The following CAB39 variants were observed in gnomAD, a reference collection of about 807,000 sequenced individuals.
CAB39 encodes calcium binding protein 39.
In CAB39, 8 loss-of-function variants were observed where a neutral mutation model predicts 40.0. That is an observed-to-expected ratio of 0.20 (90% CI 0.12 to 0.36). The LOEUF (loss-of-function observed/expected upper bound fraction) is 0.36, where lower values mean the gene tolerates loss of function less well. CAB39 is among the 10% of genes least tolerant of loss of function. The pLI, the probability that CAB39 is intolerant of heterozygous loss-of-function variation, is 1.00. For missense variants in CAB39, 270 were observed against 401.1 expected, an observed-to-expected ratio of 0.67 and a Z score of 2.79; for synonymous variants, 156 against 141.6, an observed-to-expected ratio of 1.10 and a Z score of -0.72.
intron 1 of CAB39, among the ~76,000 whole-genome samples, chr2:230,718,154 G>T (rs942081473): frequency 6.6e-6 from 1 of 152,186 alleles, no homozygotes; most frequent in African/African-American, 2.4e-5. Flanking sequence ...GCATTATCCA[G>T]CAAAAATTGT....
chr2:230,774,621 C>G lies in CAB39; in HGVS notation c.114+14506C>G, dbSNP rs192877349. Among the ~76,000 whole-genome samples, 523 of 152,182 alleles carry G rather than the reference C, an allele frequency of 3.4e-3. 5 individuals carry two copies. Among genetic ancestry groups the G allele is most frequent in the Middle Eastern group, 0.017 (5 of 294 alleles). On this transcript the variant is annotated intron_variant, in intron 2 of 8. Coordinates refer to ENST00000258418, the MANE Select transcript of CAB39 (RefSeq NM_016289.4). ...AGCTTATAGGTGGTTCCCTTCCTTA[C>G]GATGAATGCTTGTGTTCACAGGGTT...
At chr2:230,737,983 G>A (rs1024550595) in intron 1 of CAB39, among the ~76,000 whole-genome samples, 2 of 152,080 alleles carry the variant, frequency 1.3e-5, no homozygotes, top group Admixed American at 6.6e-5. Flanking sequence ...TTTTTCACCC[G>A]ATACTTTATT....
chr2:230,740,685 C>T (rs569486033), intron 1 of CAB39, among the ~76,000 whole-genome samples: 23 of 152,196 alleles, frequency 1.5e-4, no homozygotes, highest in Non-Finnish European at 2.6e-4. Context: ...ATAGGGTTCA[C>T]GCTCCTGTGA....
rs957045676 is a variant in CAB39 at position 230,804,860 on chromosome 2, A to G, written c.568-5403A>G. ...GTGGCGATTCCTGAAGGCTCTAGAA[A>G]TAGAAATACCATTTGACCCAGTGAT... On this transcript the variant is annotated intron_variant, in intron 5 of 8. Transcript: ENST00000258418. 8.5e-5 allele frequency among the ~76,000 whole-genome samples: 13 copies of G among 152,306 alleles called. No individual in the cohort carries two copies. In the South Asian group the frequency reaches 2.3e-3, roughly 27 times the overall value.
chr2:230,784,789 C>T (rs185880744), intron 2 of CAB39, among the ~76,000 whole-genome samples: 52 of 152,292 alleles, frequency 3.4e-4, no homozygotes, highest in African/African-American at 1.1e-3. Flanking sequence ...GCTTTACTTT[C>T]TGCAGAAAGG....
intron 1 of CAB39, among the ~76,000 whole-genome samples, chr2:230,737,000 A>G (rs1008778361): frequency 5.3e-5 from 8 of 152,212 alleles, no homozygotes; most frequent in Non-Finnish European, 1.2e-4. Context: ...AATGGCAACC[A>G]ACACTAATAT....
chr2:230,784,791 G>C (rs773896910), intron 2 of CAB39, among the ~76,000 whole-genome samples: 23 of 152,196 alleles, frequency 1.5e-4, no homozygotes, highest in Non-Finnish European at 2.8e-4. Context: ...TTTACTTTCT[G>C]CAGAAAGGGT....
intron 1 of CAB39, among the ~76,000 whole-genome samples, chr2:230,735,936 C>T (rs1694781417): frequency 6.6e-6 from 1 of 152,140 alleles, no homozygotes; most frequent in Non-Finnish European, 1.5e-5. Context: ...TCTTTACTTA[C>T]CAGAAAGGAG....
chr2:230,720,828 A>T (rs1291156779), intron 1 of CAB39, among the ~76,000 whole-genome samples: 1 of 152,070 alleles, frequency 6.6e-6, no homozygotes, highest in African/African-American at 2.4e-5. Flanking sequence ...CAGCCAGTTC[A>T]TTTACTTTTA....
In CAB39 at chr2:230,748,843, T is replaced by A. The variant is rs1240056629; in HGVS notation, c.-43-11116T>A. On this transcript the variant is annotated intron_variant, in intron 1 of 8. Coordinates refer to ENST00000258418, the MANE Select transcript of CAB39 (RefSeq NM_016289.4). ...AAAAAAAAAAAAAAATATATATATA[T>A]ATATATATATATATATATATATATA... Among the ~76,000 whole-genome samples the A allele has an allele frequency of 2.7e-3, 224 of 83,162 alleles. 3 individuals carry two copies. The highest frequency in any genetic ancestry group is 8.1e-3 in the African/African-American group (141 of 17,358). The allele number at this position is 83,162 out of a possible 152,430, so 54.6% of individuals were successfully genotyped here. A position where few individuals can be genotyped will look rare whatever the true frequency, so the allele number is the denominator to read the frequency against.
At chr2:230,759,873 G>C (rs916390207) in intron 1 of CAB39, 86 bp from the exon 2 acceptor site, 6 of 533,474 alleles carry the variant, frequency 1.1e-5, no homozygotes, top group Non-Finnish European at 2.1e-5. Context: ...GCCTAAACAC[G>C]GGTTTTCTTC....
intron 6 of CAB39, among the ~76,000 whole-genome samples, chr2:230,813,036 T>G (rs933597374): frequency 2.0e-5 from 3 of 152,146 alleles, no homozygotes; most frequent in Non-Finnish European, 4.4e-5. Flanking sequence ...CATGGACAGA[T>G]GACAAAGCAG....
chr2:230,750,296 C>G (rs1355632953), intron 1 of CAB39, among the ~76,000 whole-genome samples: 1 of 152,190 alleles, frequency 6.6e-6, no homozygotes. Flanking sequence ...TGTTTTGGGA[C>G]TGGATTAGTT....
At chr2:230,799,436 A>G (rs889289058) in intron 5 of CAB39, among the ~76,000 whole-genome samples, 1 of 152,192 alleles carries the variant, frequency 6.6e-6, no homozygotes, top group Non-Finnish European at 1.5e-5. Flanking sequence ...AATCACCCAC[A>G]CTATTCAAAT....
chr2:230,717,344 T>C (rs1401174622), intron 1 of CAB39, among the ~76,000 whole-genome samples: 1 of 152,192 alleles, frequency 6.6e-6, no homozygotes, highest in Non-Finnish European at 1.5e-5. Flanking sequence ...TAAGAAGACT[T>C]GTATTAGAGC....
At chr2:230,737,850 A>G (rs1341402533) in intron 1 of CAB39, among the ~76,000 whole-genome samples, 1 of 152,208 alleles carries the variant, frequency 6.6e-6, no homozygotes, top group African/African-American at 2.4e-5. Context: ...GTTTGACTAT[A>G]TTATGATGTC....
chr2:230,780,971 A>G (rs1695676475), intron 2 of CAB39, among the ~76,000 whole-genome samples: 2 of 151,796 alleles, frequency 1.3e-5, no homozygotes, highest in Non-Finnish European at 2.9e-5. Context: ...AGTCCCAGCT[A>G]CTCGGGAGGC....
intron 5 of CAB39, among the ~76,000 whole-genome samples, chr2:230,803,156 A>G (rs1696123078): frequency 6.6e-6 from 1 of 152,240 alleles, no homozygotes; most frequent in Non-Finnish European, 1.5e-5. Context: ...GACAAAAACC[A>G]TGTGATTATC....
chr2:230,774,286 T>C (rs1023458773), intron 2 of CAB39, among the ~76,000 whole-genome samples: 1 of 152,200 alleles, frequency 6.6e-6, no homozygotes, highest in Admixed American at 6.5e-5. Context: ...ATTCCTTTAT[T>C]TGTTATATGT....
Sources: allele counts gnomAD v4.1 joint callset (sites outside exome capture counted in the v4.1 genomes callset), GRCh38; gene constraint gnomAD v4.1.1; transcripts MANE v1.5; gene names NCBI Gene and HGNC (gene_info 2026-07-23, HGNC 2026-07-21).